CMTM8: variants seen among roughly 807,000 people sequenced by gnomAD.
CMTM8 encodes CKLF-like MARVEL transmembrane domain-containing protein 8.
A neutral mutation model predicts 18.6 loss-of-function variants in CMTM8; 12 were observed. The ratio of observed to expected loss-of-function variants is 0.65; its 90% CI spans 0.41 to 1.05. CMTM8 has a LOEUF of 1.05. Among genes scored for constraint, CMTM8 ranks in the 50% least tolerant of loss-of-function variants. The pLI is 0.00. For missense variants in CMTM8, 217 were observed against 227.2 expected, an observed-to-expected ratio of 0.95 and a Z score of 0.29; for synonymous variants, 87 against 90.6, an observed-to-expected ratio of 0.96 and a Z score of 0.23.
chr3:32,343,244 C>T (rs1246528403), intron 1 of CMTM8, among the ~76,000 whole-genome samples: 2 of 152,238 alleles, frequency 1.3e-5, no homozygotes, highest in Non-Finnish European at 2.9e-5. Flanking sequence ...GTAAGCATCT[C>T]TTCATCTGTG....
chr3:32,293,077 G>GTGTGTGTATATATATATA (rs148004069), intron 1 of CMTM8, among the ~76,000 whole-genome samples: 19 of 145,776 alleles, frequency 1.3e-4, no homozygotes, highest in East Asian at 1.0e-3. Context: ...ATATGTGTGT[G>GTGTGTGTATATATATATA]TATATATATA....
intron 1 of CMTM8, among the ~76,000 whole-genome samples, chr3:32,244,726 T>C (rs1701988312): frequency 6.6e-6 from 1 of 152,204 alleles, no homozygotes; most frequent in South Asian, 2.1e-4. Flanking sequence ...TTAAAACTAA[T>C]GTGTTTCTAG....
At position 32,319,074 on chromosome 3, in the gene CMTM8, A is replaced by ATTTTTTTT. The variant is rs1177949113; in HGVS notation, c.148-38285_148-38278dup. Reference sequence around the variant, plus strand: ...TGTATATACATATATATATATATATATTTTTTTTTTTTTTTTTTTTTGAGA... The same window carrying ATTTTTTTT: ...TGTATATACATATATATATATATATATTTTTTTTTTTTTTTTTTTTTTTTTTTTTGAGA... On this transcript the variant is annotated intron_variant, in intron 1 of 3. Transcript: ENST00000307526. 1.3e-3 allele frequency among the ~76,000 whole-genome samples: 42 copies of ATTTTTTTT among 31,528 alleles called. 2 individuals are homozygous for ATTTTTTTT. The highest frequency in any genetic ancestry group is 5.7e-3 in the Admixed American group (10 of 1,762). The allele number at this position is 31,528 out of a possible 152,430, so 20.7% of individuals were successfully genotyped here.
At chr3:32,361,187 G>T (rs1418113145) in intron 2 of CMTM8, among the ~76,000 whole-genome samples, 1 of 151,790 alleles carries the variant, frequency 6.6e-6, no homozygotes, top group African/African-American at 2.4e-5. Context: ...CTCCATGTTG[G>T]TCAGGCTGGT....
chr3:32,250,789 C>T (rs1429468834), intron 1 of CMTM8, among the ~76,000 whole-genome samples: 1 of 151,884 alleles, frequency 6.6e-6, no homozygotes, highest in Admixed American at 6.6e-5. Flanking sequence ...TATAGGGTTT[C>T]ACCATGTTGC....
chr3:32,351,709 C>T (rs113546740), intron 1 of CMTM8, among the ~76,000 whole-genome samples: 11,808 of 132,374 alleles, frequency 0.089, 652 homozygotes, highest in African/African-American at 0.17. Flanking sequence ...GAGACCCTGT[C>T]TCAAAAAAAA....
intron 1 of CMTM8, among the ~76,000 whole-genome samples, chr3:32,333,608 T>C (rs1696322777): frequency 7.0e-6 from 1 of 143,776 alleles, no homozygotes; most frequent in Non-Finnish European, 1.5e-5. Context: ...TGCAGCACAG[T>C]ATTTCCATAT....
chr3:32,296,717 G>A (rs753398655), intron 1 of CMTM8, among the ~76,000 whole-genome samples: 1 of 152,210 alleles, frequency 6.6e-6, no homozygotes, highest in Non-Finnish European at 1.5e-5. Flanking sequence ...GTTGTGTAAT[G>A]TGCCCATGTT....
rs757568188 is a variant in CMTM8 at position 32,357,565 on chromosome 3, G to A, written c.321+19G>A. On this transcript the variant is annotated intron_variant, in intron 2 of 3. Transcript: ENST00000307526. ...AACAGTGGTAAGGAAGCTGTGGGTGGTGGTCTTGTCCAGTGCCCACTCGGT... is the reference window on the plus strand; with the variant it reads ...AACAGTGGTAAGGAAGCTGTGGGTGATGGTCTTGTCCAGTGCCCACTCGGT... The A allele has an allele frequency of 1.2e-6, 2 of 1,612,834 alleles. No individual in the cohort carries two copies. Among genetic ancestry groups the A allele is most frequent in the Non-Finnish European group, 1.7e-6 (2 of 1,179,246 alleles).
rs115277374 is a variant in CMTM8 at position 32,303,018 on chromosome 3, C to A, written c.148-54355C>A. On this transcript the variant is annotated intron_variant, in intron 1 of 3. Transcript: ENST00000307526. ...TCGTCTCTTTGACCCCCAGCTCTTACAATCACATGCCCGATTGCACAGCTT... is the reference window on the plus strand; with the variant it reads ...TCGTCTCTTTGACCCCCAGCTCTTAAAATCACATGCCCGATTGCACAGCTT... Among the ~76,000 whole-genome samples the A allele has an allele frequency of 8.2e-3, 1,244 of 152,312 alleles. 16 individuals are homozygous for A. The highest frequency in any genetic ancestry group is 0.028 in the African/African-American group (1,175 of 41,564).
Position 32,306,521 on chromosome 3 carries a change from C to G in CMTM8, c.148-50852C>G, listed in dbSNP as rs138564917. Among the ~76,000 whole-genome samples, 243 of 152,340 alleles carry G rather than the reference C, an allele frequency of 1.6e-3. 1 individual carries two copies. The highest frequency in any genetic ancestry group is 5.5e-3 in the African/African-American group (229 of 41,590). On this transcript the variant is annotated intron_variant, in intron 1 of 3. Transcript: ENST00000307526. ...GCATCCACCACCTTTTGCCTATTCA[C>G]TCTTCCAGTGATGGAAGCCAAAGTT...
At chr3:32,363,096 G>T (rs1223502423) in intron 2 of CMTM8, among the ~76,000 whole-genome samples, 2 of 152,220 alleles carry the variant, frequency 1.3e-5, no homozygotes, top group African/African-American at 2.4e-5. Flanking sequence ...GGTGAGACTT[G>T]TATAGTTTTT....
intron 2 of CMTM8, among the ~76,000 whole-genome samples, chr3:32,364,774 G>GT (rs1366427002): frequency 1.3e-5 from 2 of 152,216 alleles, no homozygotes; most frequent in Admixed American, 6.5e-5. Flanking sequence ...CTGAATAGAT[G>GT]TAACACTAGG....
At chr3:32,240,176 A>G (rs746584819) in intron 1 of CMTM8, among the ~76,000 whole-genome samples, 13 of 152,228 alleles carry the variant, frequency 8.5e-5, no homozygotes, top group Non-Finnish European at 1.6e-4. Flanking sequence ...GGTTCCTTTG[A>G]GAAACCTGAA....
intron 1 of CMTM8, among the ~76,000 whole-genome samples, chr3:32,304,906 A>G (rs1695691897): frequency 6.6e-6 from 1 of 152,232 alleles, no homozygotes; most frequent in Admixed American, 6.5e-5. Flanking sequence ...ATGAGGAGGA[A>G]TATTTCTGCA....
intron 1 of CMTM8, among the ~76,000 whole-genome samples, chr3:32,251,982 T>C (rs1702116242): frequency 1.3e-5 from 2 of 152,056 alleles, no homozygotes; most frequent in South Asian, 4.2e-4. Context: ...CCCAGCTACT[T>C]GGGAGGCTGA....
intron 2 of CMTM8, among the ~76,000 whole-genome samples, chr3:32,357,944 C>T (rs1278829423): frequency 6.6e-6 from 1 of 152,170 alleles, no homozygotes; most frequent in Non-Finnish European, 1.5e-5. Flanking sequence ...TGGCCTTAAC[C>T]CTTTGTACAT....
chr3:32,312,783 G>A (rs1475506990), intron 1 of CMTM8, among the ~76,000 whole-genome samples: 2 of 151,426 alleles, frequency 1.3e-5, no homozygotes, highest in African/African-American at 2.4e-5. Context: ...AACCGCCCCC[G>A]ATCCTGTGGT....
chr3:32,360,353 A>G (rs1696899356), intron 2 of CMTM8, among the ~76,000 whole-genome samples: 1 of 152,224 alleles, frequency 6.6e-6, no homozygotes, highest in Non-Finnish European at 1.5e-5. Context: ...CCATATTCTT[A>G]GAATTCGTTT....
Sources: allele counts gnomAD v4.1 joint callset (sites outside exome capture counted in the v4.1 genomes callset), GRCh38; gene constraint gnomAD v4.1.1; transcripts MANE v1.5; gene names NCBI Gene and HGNC (gene_info 2026-07-23, HGNC 2026-07-21).